ATXN7L1: variants seen among roughly 807,000 people sequenced by gnomAD.
ATXN7L1 encodes ataxin 7 like 1.
ATXN7L1 carries 15 observed loss-of-function variants against 70.8 expected under a neutral mutation model. The ratio of observed to expected loss-of-function variants is 0.21; its 90% CI spans 0.14 to 0.33. ATXN7L1 has a LOEUF of 0.33. Among genes scored for constraint, ATXN7L1 ranks in the 10% least tolerant of loss-of-function variants. The pLI is 1.00. For missense variants in ATXN7L1, 975 were observed against 1,097.1 expected, an observed-to-expected ratio of 0.89 and a Z score of 1.57; for synonymous variants, 440 against 445.1, an observed-to-expected ratio of 0.99 and a Z score of 0.14.
chr7:105,829,267 C>CAACA (rs112282682), intron 2 of ATXN7L1, among the ~76,000 whole-genome samples: 22 of 151,330 alleles, frequency 1.5e-4, no homozygotes, highest in African/African-American at 5.1e-4. Flanking sequence ...ACTAAAAATA[C>CAACA]AAACAAAACA....
At chr7:105,725,966 G>A (rs1321139369) in intron 3 of ATXN7L1, among the ~76,000 whole-genome samples, 1 of 146,848 alleles carries the variant, frequency 6.8e-6, no homozygotes, top group Non-Finnish European at 1.5e-5. Flanking sequence ...GCAATGGCAT[G>A]ATCTCAGCTT....
chr7:105,847,579 T>C (rs1016840344), intron 2 of ATXN7L1, among the ~76,000 whole-genome samples: 7 of 152,118 alleles, frequency 4.6e-5, no homozygotes, highest in Admixed American at 1.3e-4. Context: ...TGTAAAACTA[T>C]TGTTTACCCC....
chr7:105,689,620 G>T (rs635267), intron 3 of ATXN7L1, among the ~76,000 whole-genome samples: 107,318 of 152,000 alleles, frequency 0.71, 38,264 homozygotes, highest in Admixed American at 0.77. Flanking sequence ...AAGGTGGGCC[G>T]AAAGTCCTCC....
At chr7:105,734,600 G>A (rs1458230922) in intron 3 of ATXN7L1, among the ~76,000 whole-genome samples, 1 of 151,334 alleles carries the variant, frequency 6.6e-6, no homozygotes, top group African/African-American at 2.4e-5. Context: ...GTTGGCTATT[G>A]TGTGCTGTTC....
intron 4 of ATXN7L1, among the ~76,000 whole-genome samples, chr7:105,648,627 C>T (rs967531948): frequency 7.9e-5 from 12 of 152,176 alleles, no homozygotes; most frequent in South Asian, 2.1e-4. Context: ...ACACAGATCC[C>T]GCGTGTGCCT....
intron 7 of ATXN7L1, among the ~76,000 whole-genome samples, chr7:105,630,227 T>A (rs534351535): frequency 2.6e-5 from 4 of 152,198 alleles, no homozygotes; most frequent in African/African-American, 4.8e-5. Context: ...AACTTCCTGT[T>A]AAACAGGGCA....
rs1029300065 is a variant in ATXN7L1, at chr7:105,808,254, T to C, written c.251-19546A>G. 2.0e-5 allele frequency among the ~76,000 whole-genome samples: 3 copies of C among 152,152 alleles called. No individual in the cohort carries two copies. The South Asian group carries it at 6.2e-4, about 32-fold the overall frequency. On this transcript the variant is annotated intron_variant, in intron 2 of 11. Coordinates refer to ENST00000419735, the MANE Select transcript of ATXN7L1 (RefSeq NM_020725.2). ...CCCCAGCCAAGTGTTTTTCCACTGA[T>C]GTGAAAGGAAAAAGATAATTTCTCT...
chr7:105,648,933 G>C (rs1217086089), intron 4 of ATXN7L1, among the ~76,000 whole-genome samples: 1 of 152,192 alleles, frequency 6.6e-6, no homozygotes, highest in East Asian at 1.9e-4. Flanking sequence ...TCCATGTGCA[G>C]GTGGTGAGAC....
At chr7:105,612,511 G>A (rs1241886616) in intron 10 of ATXN7L1, among the ~76,000 whole-genome samples, 1 of 152,190 alleles carries the variant, frequency 6.6e-6, no homozygotes, top group African/African-American at 2.4e-5. Flanking sequence ...TCGTGTATAT[G>A]TTCAAACTTG....
At chr7:105,683,560 T>A (rs1805811032) in intron 3 of ATXN7L1, among the ~76,000 whole-genome samples, 1 of 152,092 alleles carries the variant, frequency 6.6e-6, no homozygotes, top group Non-Finnish European at 1.5e-5. Flanking sequence ...ACACTTGTAA[T>A]CCCAGATACT....
At chr7:105,699,663 T>C (rs923898846) in intron 3 of ATXN7L1, among the ~76,000 whole-genome samples, 2 of 152,168 alleles carry the variant, frequency 1.3e-5, no homozygotes, top group African/African-American at 4.8e-5. Context: ...AGATAATACT[T>C]ATCTTCACTA....
intron 11 of ATXN7L1, among the ~76,000 whole-genome samples, chr7:105,608,118 C>T (rs1323134570): frequency 1.3e-5 from 2 of 152,228 alleles, no homozygotes; most frequent in Non-Finnish European, 2.9e-5. Flanking sequence ...GAGGTCCTCA[C>T]TGTGGAGGAA....
intron 2 of ATXN7L1, among the ~76,000 whole-genome samples, chr7:105,797,292 G>A (rs1204321965): frequency 6.6e-6 from 1 of 152,214 alleles, no homozygotes; most frequent in Non-Finnish European, 1.5e-5. Context: ...AGGGGCAGGT[G>A]GAAGCTCCTC....
intron 3 of ATXN7L1, among the ~76,000 whole-genome samples, chr7:105,752,201 T>A (rs138949791): frequency 3.9e-4 from 60 of 152,312 alleles, no homozygotes; most frequent in African/African-American, 1.4e-3. Context: ...CTGAAACTCA[T>A]GTCACTTCTT....
intron 3 of ATXN7L1, among the ~76,000 whole-genome samples, chr7:105,686,187 A>G (rs1325096387): frequency 6.6e-6 from 1 of 152,220 alleles, no homozygotes; most frequent in Non-Finnish European, 1.5e-5. Context: ...ATATCTGGAT[A>G]AACCCATCAT....
At chr7:105,856,950 C>T (rs188380127) in intron 2 of ATXN7L1, among the ~76,000 whole-genome samples, 38 of 152,276 alleles carry the variant, frequency 2.5e-4, no homozygotes, top group Admixed American at 1.6e-3. Context: ...CAAAAAAAGA[C>T]GGCATGGAGT....
At chr7:105,723,630 T>C (rs1165567290) in intron 3 of ATXN7L1, among the ~76,000 whole-genome samples, 2 of 152,214 alleles carry the variant, frequency 1.3e-5, no homozygotes, top group East Asian at 3.8e-4. Context: ...CTGGCCCCTG[T>C]ATGTGCACTT....
intron 2 of ATXN7L1, among the ~76,000 whole-genome samples, chr7:105,844,834 A>G (rs74301035): frequency 0.17 from 26,040 of 152,172 alleles, 2,600 homozygotes; most frequent in East Asian, 0.51. Flanking sequence ...AGCCCTAAGG[A>G]ATAAATACAC....
chr7:105,665,515 A>G (rs1037971684), intron 3 of ATXN7L1, among the ~76,000 whole-genome samples: 1 of 152,176 alleles, frequency 6.6e-6, no homozygotes, highest in Admixed American at 6.5e-5. Flanking sequence ...GGCATGCTCA[A>G]CTAACATCAG....
Sources: allele counts gnomAD v4.1 joint callset (sites outside exome capture counted in the v4.1 genomes callset), GRCh38; gene constraint gnomAD v4.1.1; transcripts MANE v1.5; gene names NCBI Gene and HGNC (gene_info 2026-07-23, HGNC 2026-07-21).